The following COL15A1 variants were observed in gnomAD, a reference collection of about 807,000 sequenced individuals.
The protein encoded by COL15A1 is collagen type XV alpha 1 chain.
In COL15A1, 111 loss-of-function variants were observed where a neutral mutation model predicts 165.9. The ratio of observed to expected loss-of-function variants is 0.67; its 90% CI spans 0.57 to 0.78. The LOEUF is 0.78. Ranked by LOEUF, COL15A1 falls within the 30% of genes least tolerant of loss-of-function variation. The probability of loss-of-function intolerance (pLI) is 0.00; values close to 1 mark genes in which losing one functional copy is unlikely to be tolerated. For missense variants in COL15A1, 1,745 were observed against 1,789.7 expected, an observed-to-expected ratio of 0.98 and a Z score of 0.45; for synonymous variants, 659 against 674.8, an observed-to-expected ratio of 0.98 and a Z score of 0.36.
intron 9 of COL15A1, among the ~76,000 whole-genome samples, chr9:99,009,167 T>C (rs62561250): frequency 0.062 from 9,371 of 150,224 alleles, 393 homozygotes; most frequent in Non-Finnish European, 0.088. Flanking sequence ...CAGAGTCCTA[T>C]GCCGATTATA....
chr9:99,029,080 G>C (rs1839175307), intron 16 of COL15A1, among the ~76,000 whole-genome samples: 1 of 152,190 alleles, frequency 6.6e-6, no homozygotes, highest in Non-Finnish European at 1.5e-5. Context: ...ATGGATCTCT[G>C]AAAAATCATT....
intron 16 of COL15A1, among the ~76,000 whole-genome samples, chr9:99,030,236 T>A (rs996096891): frequency 6.6e-6 from 1 of 152,230 alleles, no homozygotes; most frequent in Non-Finnish European, 1.5e-5. Flanking sequence ...ATGTTTCCAT[T>A]AGTGAACTGA....
chr9:98,994,129 TG>T, intron 5 of COL15A1, among the ~76,000 whole-genome samples: 1 of 6,582 alleles, frequency 1.5e-4, no homozygotes, highest in Middle Eastern at 0.038. Flanking sequence ...GGGGGTGGCA[TG>T]GGGGGTTGGG....
At chr9:99,042,196 C>A (rs1839417767) in intron 24 of COL15A1, 89 bp downstream of exon 24, 1 of 908,688 alleles carries the variant, frequency 1.1e-6, no homozygotes, top group South Asian at 1.6e-5. Context: ...TAACTTTTCT[C>A]TTCTTTGAGA....
intron 35 of COL15A1, among the ~76,000 whole-genome samples, chr9:99,058,656 T>C (rs1358583511): frequency 6.6e-6 from 1 of 152,204 alleles, no homozygotes; most frequent in African/African-American, 2.4e-5. Flanking sequence ...TCCCATGTAG[T>C]CTTCACAGCA....
At chr9:99,026,256 C>G (rs1839122567) in intron 16 of COL15A1, among the ~76,000 whole-genome samples, 1 of 152,218 alleles carries the variant, frequency 6.6e-6, no homozygotes, top group African/African-American at 2.4e-5. Context: ...CTCCTTCCCT[C>G]CCTTTCCTGG....
At position 99,062,012 on chromosome 9, in the gene COL15A1, G is replaced by A. The variant is rs146027381; in HGVS notation, c.3444G>A (p.Ala1148=). ...FSNMDDMLQK[A]HLVIEGTFIY... Reference sequence around the variant, plus strand: ...ACATGGATGACATGCTGCAGAAAGCGCATTTGGTTATAGAAGGAACATTCA... The same window carrying A: ...ACATGGATGACATGCTGCAGAAAGCACATTTGGTTATAGAAGGAACATTCA... The change falls in exon 37 of 42, where the codon GCG becomes GCA. Residue 1148 remains alanine (A), a synonymous_variant. Coordinates refer to ENST00000375001, the MANE Select transcript of COL15A1 (RefSeq NM_001855.5). 1.5e-4 allele frequency: 244 copies of A among 1,613,976 alleles called. 1 individual carries two copies. In the South Asian group the frequency reaches 1.5e-3, roughly 10 times the overall value.
Position 99,068,572 on chromosome 9 carries a change from T to TA in COL15A1, c.3857dup (p.Asn1286LysfsTer23). ...CTCTATAGGGCCAAGTACTTTTTAA[T>TA]AATTGGGACTCAATTTTTTCTGGCC... On this transcript the variant is annotated frameshift_variant, in exon 41 of 42. Transcript: ENST00000375001. LOFTEE classifies it high-confidence loss of function. 1.3e-6 allele frequency: 2 copies of TA among 1,536,914 alleles called. No individual in the cohort carries two copies. The highest frequency in any genetic ancestry group is 1.7e-6 in the Non-Finnish European group (2 of 1,150,098).
At position 99,070,134 on chromosome 9, in the gene COL15A1, C is replaced by A; in HGVS notation, c.*248C>A. On this transcript the variant is annotated 3_prime_UTR_variant, in exon 42 of 42. Coordinates refer to ENST00000375001, the MANE Select transcript of COL15A1 (RefSeq NM_001855.5). ...CTGCAGGAAACCCCAGCAGTGTGAA[C>A]GCATCCCAACATAGGTTAAGAGCAA... 2.4e-6 allele frequency: 1 copy of A among 415,340 alleles called. No individual in the cohort carries two copies. The highest frequency in any genetic ancestry group is 4.3e-6 in the Non-Finnish European group (1 of 231,536). The allele number at this position is 415,340 out of a possible 1,614,324, so 25.7% of individuals were successfully genotyped here.
chr9:98,995,039 T>C (rs564114527), intron 5 of COL15A1, among the ~76,000 whole-genome samples: 72 of 152,216 alleles, frequency 4.7e-4, no homozygotes, highest in African/African-American at 1.7e-3. Context: ...AAAGTCCAAA[T>C]GCCTTATAGA....
chr9:99,029,222 G>A (rs1033354044), intron 16 of COL15A1, among the ~76,000 whole-genome samples: 1 of 152,188 alleles, frequency 6.6e-6, no homozygotes, highest in Non-Finnish European at 1.5e-5. Flanking sequence ...AAGGTACTGG[G>A]ACACCTGGGC....
intron 31 of COL15A1, among the ~76,000 whole-genome samples, chr9:99,053,141 G>A (rs1039398548): frequency 6.6e-6 from 1 of 152,244 alleles, no homozygotes. Flanking sequence ...GATGGGGCCT[G>A]CAGGTGAGCA....
intron 35 of COL15A1, among the ~76,000 whole-genome samples, chr9:99,057,820 A>G (rs1350077216): frequency 6.6e-6 from 1 of 152,196 alleles, no homozygotes; most frequent in African/African-American, 2.4e-5. Context: ...CATACCTGGA[A>G]AGAGACCTAC....
intron 5 of COL15A1, among the ~76,000 whole-genome samples, chr9:98,993,085 A>G (rs1314038587): frequency 6.6e-6 from 1 of 152,204 alleles, no homozygotes; most frequent in African/African-American, 2.4e-5. Flanking sequence ...CAGCTCTGCC[A>G]CTTACTAGCT....
At chr9:98,951,133 T>A (rs780933221) in intron 2 of COL15A1, among the ~76,000 whole-genome samples, 11 of 152,172 alleles carry the variant, frequency 7.2e-5, no homozygotes, top group Non-Finnish European at 1.5e-4. Flanking sequence ...ACCTGCAGTC[T>A]CCATCTCCCA....
chr9:99,061,863 G>C (rs930422849), intron 36 of COL15A1, 108 bp from the exon 37 acceptor site: 1 of 1,180,530 alleles, frequency 8.5e-7, no homozygotes, highest in African/African-American at 1.5e-5. Flanking sequence ...CCTCTTTATT[G>C]AGTATCTGGG....
In COL15A1 at chr9:98,960,714, G is replaced by A. The variant is rs74683612; in HGVS notation, c.100+16464G>A. On this transcript the variant is annotated intron_variant, in intron 2 of 41. Transcript: ENST00000375001. The stretch of plus-strand genomic sequence containing the variant: ...TCAGTTTCCTCATCTGTAGAGTGAG[G>A]AAACTATAAACGAAATAACGCCCCA... Among the ~76,000 whole-genome samples the A allele has an allele frequency of 1.3e-3, 204 of 152,312 alleles. 5 individuals carry two copies. The East Asian group carries it at 0.038, about 28-fold the overall frequency.
At position 99,041,567 on chromosome 9, in the gene COL15A1, G is replaced by A. The variant is rs116996635; in HGVS notation, c.2512-478G>A. Among the ~76,000 whole-genome samples, 40 of 152,304 alleles carry A rather than the reference G, an allele frequency of 2.6e-4. No homozygotes were observed. The East Asian group carries it at 7.5e-3, about 29-fold the overall frequency. Reference sequence around the variant, plus strand: ...GAGGAGTGCAGAGAGGCTGCGGGAAGGGAGTCAACCTGATGGTGTGGGAGA... The same window carrying A: ...GAGGAGTGCAGAGAGGCTGCGGGAAAGGAGTCAACCTGATGGTGTGGGAGA... On this transcript the variant is annotated intron_variant, in intron 23 of 41. Coordinates refer to ENST00000375001, the MANE Select transcript of COL15A1 (RefSeq NM_001855.5).
rs754263594 is a variant in COL15A1, at chr9:99,047,843, G to A, written c.2733+4G>A. On this transcript the variant is annotated splice_donor_region_variant and intron_variant, in intron 27 of 41. Transcript: ENST00000375001. ...ATTTGGCCTTCCCGGGCGACCTGTA[G>A]GTATCAGTGTTCATTGGACAGGCTG... is the stretch of plus-strand genomic sequence containing the variant. The A allele has an allele frequency of 1.9e-6, 3 of 1,613,920 alleles. No homozygotes were observed. In the Admixed American group the frequency reaches 5.0e-5, roughly 27 times the overall value.
Sources: gnomAD v4.1 joint callset for allele counts (sites outside exome capture counted in the v4.1 genomes callset) on GRCh38, gnomAD v4.1.1 for gene constraint, MANE v1.5 for transcripts, NCBI Gene and HGNC (gene_info 2026-07-23, HGNC 2026-07-21) for gene names.